The following KIF13A variants were observed in gnomAD, a reference collection of about 807,000 sequenced individuals.
The protein encoded by KIF13A is kinesin family member 13A, also known as kinesin-like protein KIF13A.
In KIF13A, 79 loss-of-function variants were observed where a neutral mutation model predicts 212.2. The observed-to-expected ratio is 0.37, with a 90% CI of 0.31 to 0.45. The LOEUF is 0.45. KIF13A is among the 20% of genes least tolerant of loss of function. The probability of loss-of-function intolerance (pLI) is 1.00; values close to 1 mark genes in which losing one functional copy is unlikely to be tolerated. For missense variants in KIF13A, 1,901 were observed against 2,209.0 expected (o/e 0.86, Z 2.79); for synonymous variants, 789 against 808.6 (o/e 0.98, Z 0.41).
At chr6:17,874,659 T>C (rs1407768061) in intron 3 of KIF13A, among the ~76,000 whole-genome samples, 1 of 151,968 alleles carries the variant, frequency 6.6e-6, no homozygotes, top group East Asian at 1.9e-4. Context: ...CAGGTGGTAT[T>C]TGGTTACATG....
At chr6:17,904,866 G>A (rs1581689432) in intron 2 of KIF13A, among the ~76,000 whole-genome samples, 2 of 152,148 alleles carry the variant, frequency 1.3e-5, no homozygotes, top group Non-Finnish European at 2.9e-5. Flanking sequence ...ATTAATTGTT[G>A]GAAATGGCTG....
intron 16 of KIF13A, among the ~76,000 whole-genome samples, chr6:17,822,969 T>G (rs949714754): frequency 6.6e-6 from 1 of 152,190 alleles, no homozygotes; most frequent in Non-Finnish European, 1.5e-5. Context: ...TCTTACTGTT[T>G]AAAGACAGAA....
At chr6:17,822,990 T>C (rs1050145689) in intron 16 of KIF13A, among the ~76,000 whole-genome samples, 1 of 152,156 alleles carries the variant, frequency 6.6e-6, no homozygotes, top group African/African-American at 2.4e-5. Flanking sequence ...ATTGCCAAAC[T>C]TTCTCATAAA....
At chr6:17,920,359 C>A (rs574107365) in intron 2 of KIF13A, among the ~76,000 whole-genome samples, 1 of 152,068 alleles carries the variant, frequency 6.6e-6, no homozygotes, top group Admixed American at 6.5e-5. Flanking sequence ...ACACTTTTTT[C>A]TTTTACAATC....
At position 17,883,860 on chromosome 6, in the gene KIF13A, T is replaced by A. The variant is rs533062184; in HGVS notation, c.160-10423A>T. On this transcript the variant is annotated intron_variant, in intron 3 of 38. Transcript: ENST00000259711. The surrounding 1 kb of genome is among the most constrained non-coding windows in gnomAD (Gnocchi z 4.8). ...TGAGCCTGGGAGTTTGAGGCTGCAA[T>A]GAGCTATGATCACACCTGTGAATAG... Among the ~76,000 whole-genome samples, 1 of 152,226 alleles carries A rather than the reference T, an allele frequency of 6.6e-6. No homozygotes were observed. The highest frequency in any genetic ancestry group is 1.5e-5 in the Non-Finnish European group (1 of 68,002).
rs978578148 is a variant in KIF13A, at chr6:17,839,744, G to A, written c.831-2161C>T. On this transcript the variant is annotated intron_variant, in intron 9 of 38. Transcript: ENST00000259711. The surrounding 1 kb of genome is among the most constrained non-coding windows in gnomAD (Gnocchi z 4.3). Reference sequence around the variant, plus strand: ...AAAGACACCCAGGGGAGACGGCCACGTGAAGATGCAGGCAGAGACTGGAGT... The same window carrying A: ...AAAGACACCCAGGGGAGACGGCCACATGAAGATGCAGGCAGAGACTGGAGT... Among the ~76,000 whole-genome samples the A allele has an allele frequency of 1.3e-5, 2 of 152,118 alleles. No individual in the cohort carries two copies. Among genetic ancestry groups the A allele is most frequent in the African/African-American group, 4.8e-5 (2 of 41,414 alleles).
At chr6:17,983,356 G>A (rs1366612624) in intron 2 of KIF13A, among the ~76,000 whole-genome samples, 1 of 151,936 alleles carries the variant, frequency 6.6e-6, no homozygotes, top group African/African-American at 2.4e-5. Flanking sequence ...GATGACAGCA[G>A]GGGTGAAGAG....
At position 17,817,150 on chromosome 6, in the gene KIF13A, A is replaced by G; in HGVS notation, c.1870T>C (p.Tyr624His). 6.2e-7 allele frequency: 1 copy of G among 1,613,898 alleles called. No individual in the cohort carries two copies. The highest frequency in any genetic ancestry group is 8.5e-7 in the Non-Finnish European group (1 of 1,179,798). ...RSALEEQRLM[Y>H]ERELEQLRQQ... ...CGGAGTTGCTCCAGTTCCCGCTCATACATGAGCCGCTGCTCCTCTAGGGCA... is the reference window on the plus strand; with the variant it reads ...CGGAGTTGCTCCAGTTCCCGCTCATGCATGAGCCGCTGCTCCTCTAGGGCA... The change falls in exon 17 of 39, where the codon TAT (tyrosine) becomes CAT (histidine). Residue 624 changes from tyrosine (Y) to histidine (H), a missense_variant. Around this residue, in one of 5 missense-constraint regions of KIF13A, gnomAD observed 534 missense variants for 536.9 expected, o/e 0.99. Coordinates refer to ENST00000259711, the MANE Select transcript of KIF13A (RefSeq NM_022113.6).
At chr6:17,810,972 G>A (rs1412775465) in intron 17 of KIF13A, among the ~76,000 whole-genome samples, 1 of 152,174 alleles carries the variant, frequency 6.6e-6, no homozygotes, top group African/African-American at 2.4e-5. Flanking sequence ...ACCAGTTTGT[G>A]GTCTGGGGAT....
At chr6:17,858,874 G>C (rs1208396816) in intron 4 of KIF13A, among the ~76,000 whole-genome samples, 1 of 152,102 alleles carries the variant, frequency 6.6e-6, no homozygotes, top group Non-Finnish European at 1.5e-5. Flanking sequence ...CATAATTCAT[G>C]ATTTCAATTC....
intron 2 of KIF13A, among the ~76,000 whole-genome samples, chr6:17,940,259 T>G (rs544316632): frequency 6.6e-6 from 1 of 152,078 alleles, no homozygotes; most frequent in Admixed American, 6.6e-5. Context: ...TAAACTTCAA[T>G]ATGTATACGG....
intron 2 of KIF13A, among the ~76,000 whole-genome samples, chr6:17,908,609 T>C (rs1484069381): frequency 6.6e-6 from 1 of 151,092 alleles, no homozygotes; most frequent in Admixed American, 6.6e-5. Context: ...CTTAAAGAAA[T>C]AAAATTAAAA....
rs1344427695 is a variant in KIF13A at position 17,828,344 on chromosome 6, G to A, written c.1428C>T (p.Thr476=). 1 of 1,611,694 alleles carries A rather than the reference G, an allele frequency of 6.2e-7. No homozygotes were observed. The highest frequency in any genetic ancestry group is 8.5e-7 in the Non-Finnish European group (1 of 1,178,910). The part of the protein sequence containing the change: ...LKDHTRVGAD[T]SQDIQLFGIG... ...TGCCAAAAAGCTGGATATCTTGAGA[G>A]GTATCTGCACCCACCCTGGTGTGAT... Residue 476 remains threonine (T), a synonymous_variant, in exon 14 of 39, where the codon ACC becomes ACT. Coordinates refer to ENST00000259711, the MANE Select transcript of KIF13A (RefSeq NM_022113.6). This position sits in a 1 kb window ranked among gnomAD's most constrained non-coding sequence, Gnocchi z 4.3.
chr6:17,926,839 A>G lies in KIF13A; in HGVS notation c.147-28659T>C, dbSNP rs1775538141. 6.6e-6 allele frequency among the ~76,000 whole-genome samples: 1 copy of G among 152,060 alleles called. No homozygotes were observed. ...AATTCCACTTCTGGGAATATACCCA[A>G]AAGAAGAGAAAGCAGGGACTGGGCG... On this transcript the variant is annotated intron_variant, in intron 2 of 38. Transcript: ENST00000259711. This position sits in a 1 kb window ranked among gnomAD's most constrained non-coding sequence, Gnocchi z 4.3.
intron 2 of KIF13A, among the ~76,000 whole-genome samples, chr6:17,960,907 C>T (rs182391814): frequency 6.6e-6 from 1 of 152,238 alleles, no homozygotes; most frequent in East Asian, 1.9e-4. Context: ...TGTTTTTGAG[C>T]ACGAATTGAG....
intron 2 of KIF13A, among the ~76,000 whole-genome samples, chr6:17,976,100 C>G (rs1388828073): frequency 6.6e-6 from 1 of 152,264 alleles, no homozygotes; most frequent in Non-Finnish European, 1.5e-5. Flanking sequence ...TCTCCACATC[C>G]TCACTAGACT....
chr6:17,926,100 A>G lies in KIF13A; in HGVS notation c.147-27920T>C, dbSNP rs1025148807. On this transcript the variant is annotated intron_variant, in intron 2 of 38. Coordinates refer to ENST00000259711, the MANE Select transcript of KIF13A (RefSeq NM_022113.6). This position sits in a 1 kb window ranked among gnomAD's most constrained non-coding sequence, Gnocchi z 4.3. Reference sequence around the variant, plus strand: ...ATGTCAGAACCAGACATATAATTAAAGTAGTCATCATGTCCACGGTCCTAC... The same window carrying G: ...ATGTCAGAACCAGACATATAATTAAGGTAGTCATCATGTCCACGGTCCTAC... Among the ~76,000 whole-genome samples, 1 of 152,224 alleles carries G rather than the reference A, an allele frequency of 6.6e-6. No individual in the cohort carries two copies. The highest frequency in any genetic ancestry group is 2.1e-4 in the South Asian group (1 of 4,828).
chr6:17,779,257 A>ATATATATT (rs1561961153), intron 32 of KIF13A, among the ~76,000 whole-genome samples, 158 bp from the exon 33 acceptor site: 9 of 37,814 alleles, frequency 2.4e-4, no homozygotes, highest in African/African-American at 1.0e-3. Context: ...ATATATATAT[A>ATATATATT]TTTTTTTTTT....
chr6:17,760,577 C>CAAA, downstream of KIF13A: 1 of 529,732 alleles, frequency 1.9e-6, no homozygotes, highest in Non-Finnish European at 3.4e-6. Flanking sequence ...GTAGTAAGTG[C>CAAA]AAAAAAAAAT....
Sources: allele counts gnomAD v4.1 joint callset (sites outside exome capture counted in the v4.1 genomes callset), GRCh38; gene constraint gnomAD v4.1.1; regional missense constraint gnomAD v4.1.1; non-coding constraint Gnocchi (gnomAD v3.1); transcripts MANE v1.5; gene names NCBI Gene and HGNC (gene_info 2026-07-23, HGNC 2026-07-21).